PAN3: variants seen among roughly 807,000 people sequenced by gnomAD.
PAN3 encodes the protein PAN2-PAN3 deadenylation complex subunit PAN3.
Under a neutral mutation model 96.2 loss-of-function variants are expected in PAN3, and 19 were observed. The observed-to-expected ratio is 0.20, with a 90% CI of 0.14 to 0.29. The LOEUF (loss-of-function observed/expected upper bound fraction) is 0.29, where lower values mean the gene tolerates loss of function less well. Among genes scored for constraint, PAN3 ranks in the 10% least tolerant of loss-of-function variants. The probability of loss-of-function intolerance (pLI) is 1.00; values close to 1 mark genes in which losing one functional copy is unlikely to be tolerated. For missense variants in PAN3, 882 were observed against 1,108.1 expected (o/e 0.80, Z 2.90); for synonymous variants, 433 against 406.6 (o/e 1.06, Z -0.78).
At chr13:28,187,117 A>C (rs990717207) in intron 4 of PAN3, among the ~76,000 whole-genome samples, 1 of 151,900 alleles carries the variant, frequency 6.6e-6, no homozygotes, top group Non-Finnish European at 1.5e-5. Context: ...ACTCGAGTCC[A>C]GGAGTTTGAG....
intron 9 of PAN3, 38 bp from the exon 10 acceptor site, chr13:28,266,677 C>G (rs1312839816): frequency 1.4e-6 from 2 of 1,435,680 alleles, no homozygotes; most frequent in South Asian, 3.0e-5. Flanking sequence ...TTTATGAATG[C>G]CTGTATTTTC....
chr13:28,151,878 G>A (rs1019826879), intron 1 of PAN3, among the ~76,000 whole-genome samples: 1 of 152,132 alleles, frequency 6.6e-6, no homozygotes, highest in Non-Finnish European at 1.5e-5. Context: ...AGATTTTGAG[G>A]AGTTAGGTAG....
At chr13:28,286,215 C>T (rs1336912063) in intron 17 of PAN3, among the ~76,000 whole-genome samples, 3 of 152,174 alleles carry the variant, frequency 2.0e-5, no homozygotes, top group Non-Finnish European at 2.9e-5. Context: ...CCTCTACTGT[C>T]TGTGGTATAA....
chr13:28,204,794 T>A (rs1252926536), intron 5 of PAN3, among the ~76,000 whole-genome samples: 3 of 152,226 alleles, frequency 2.0e-5, no homozygotes, highest in Non-Finnish European at 2.9e-5. Context: ...TTAAATAAAA[T>A]CACGCTAATT....
chr13:28,260,694 G>A, intron 8 of PAN3, 143 bp downstream of exon 8: 2 of 644,230 alleles, frequency 3.1e-6, no homozygotes, highest in Middle Eastern at 2.8e-4. Context: ...GTTTTAATTG[G>A]TATTTTTTTT....
intron 6 of PAN3, among the ~76,000 whole-genome samples, chr13:28,233,706 C>T (rs1882823351): frequency 6.6e-6 from 1 of 152,044 alleles, no homozygotes; most frequent in Non-Finnish European, 1.5e-5. Flanking sequence ...TTTAGAGGTA[C>T]CTCAGGATGT....
At chr13:28,160,436 G>A (rs922906960) in intron 1 of PAN3, among the ~76,000 whole-genome samples, 2 of 152,152 alleles carry the variant, frequency 1.3e-5, no homozygotes, top group African/African-American at 4.8e-5. Flanking sequence ...GGATGCATAA[G>A]GGAGAGAAGG....
intron 1 of PAN3, among the ~76,000 whole-genome samples, chr13:28,169,290 C>T (rs1290248096): frequency 2.4e-5 from 3 of 123,970 alleles, no homozygotes; most frequent in African/African-American, 6.4e-5. Flanking sequence ...AGTGCAGTGG[C>T]GCAATCTTGG....
intron 9 of PAN3, among the ~76,000 whole-genome samples, chr13:28,261,998 C>T (rs922914708): frequency 2.6e-5 from 4 of 152,094 alleles, no homozygotes; most frequent in Non-Finnish European, 5.9e-5. Flanking sequence ...TCTCCTGAAA[C>T]TTAATGAAGT....
intron 5 of PAN3, among the ~76,000 whole-genome samples, chr13:28,198,500 T>C (rs1878337279): frequency 6.6e-6 from 1 of 152,212 alleles, no homozygotes; most frequent in Admixed American, 6.5e-5. Context: ...TCTTTGACTG[T>C]ACCTTTTTTG....
At chr13:28,139,764 C>T (rs1170489760) in intron 1 of PAN3, among the ~76,000 whole-genome samples, 1 of 152,024 alleles carries the variant, frequency 6.6e-6, no homozygotes, top group African/African-American at 2.4e-5. Context: ...ATCTGAGTTT[C>T]CCTGAAAGCT....
intron 5 of PAN3, among the ~76,000 whole-genome samples, chr13:28,204,797 C>T (rs767230763): frequency 1.4e-4 from 22 of 152,114 alleles, no homozygotes; most frequent in African/African-American, 1.9e-4. Flanking sequence ...AATAAAATCA[C>T]GCTAATTTTG....
chr13:28,273,227 C>T (rs919790311), intron 14 of PAN3, among the ~76,000 whole-genome samples: 20 of 152,194 alleles, frequency 1.3e-4, no homozygotes, highest in Non-Finnish European at 2.4e-4. Context: ...CGTGATGCTT[C>T]TTAGCTATTT....
At chr13:28,192,293 T>C (rs975543200) in intron 4 of PAN3, among the ~76,000 whole-genome samples, 1 of 150,644 alleles carries the variant, frequency 6.6e-6, no homozygotes, top group Middle Eastern at 3.5e-3. Flanking sequence ...TGGTCTCGAA[T>C]TTCTGACCTC....
Position 28,174,317 on chromosome 13 carries a change from A to T in PAN3, c.476A>T (p.Asp159Val). The change falls in exon 2 of 19, where the codon GAT (aspartate) becomes GTT (valine). Residue 159 changes from aspartate to valine, a missense_variant. Asp to Val is a radical substitution (Grantham distance 152). This residue lies in a region of PAN3 where 442 missense variants were observed against 422.8 expected (regional missense o/e 1.05). Transcript: ENST00000380958. ...GCTTTAACTGATACAAGTCTCACAG[A>T]TTCCTATTTTAGCACCAGCTTTATT... The part of the protein sequence containing the change: ...GGALTDTSLT[D>V]SYFSTSFIGV... The T allele has an allele frequency of 6.2e-7, 1 of 1,612,882 alleles. No individual in the cohort carries two copies. The highest frequency in any genetic ancestry group is 8.5e-7 in the Non-Finnish European group (1 of 1,178,904).
intron 5 of PAN3, chr13:28,215,134 ACATGCC>A: frequency 1.3e-6 from 1 of 757,798 alleles, no homozygotes; most frequent in Non-Finnish European, 2.4e-6. Context: ...CCAAGTGCTA[ACATGCC>A]TTGGTTCAAG....
intron 14 of PAN3, 158 bp downstream of exon 14, chr13:28,272,229 T>C (rs1716952624): frequency 4.4e-6 from 2 of 455,002 alleles, no homozygotes; most frequent in African/African-American, 4.1e-5. Flanking sequence ...CCCCTCCCTC[T>C]CTTTTCTTCC....
At chr13:28,260,732 CAAAT>C (rs933812220) in intron 8 of PAN3, among the ~76,000 whole-genome samples, 181 bp downstream of exon 8, 4 of 151,904 alleles carry the variant, frequency 2.6e-5, no homozygotes, top group Admixed American at 6.6e-5. Context: ...AAAAAAATTT[CAAAT>C]AAATTATGTG....
chr13:28,177,918 A>G lies in PAN3; in HGVS notation c.673A>G (p.Ile225Val). 6.2e-7 allele frequency: 1 copy of G among 1,610,928 alleles called. No individual in the cohort carries two copies. Among genetic ancestry groups the G allele is most frequent in the African/African-American group, 1.3e-5 (1 of 74,972 alleles). ...GTTTAATGACTTTGGTGCCCTCAAC[A>G]TCTCTCAGAGACGAAAGGTAGGTGA... is the stretch of plus-strand genomic sequence containing the variant. The part of the protein sequence containing the change: ...SLFNDFGALN[I>V]SQRRKPRKYR... The change falls in exon 4 of 19, where the codon ATC (isoleucine) becomes GTC (valine). Residue 225 changes from isoleucine (I) to valine (V), a missense_variant. Around this residue, in one of 3 missense-constraint regions of PAN3, gnomAD observed 442 missense variants for 422.8 expected, o/e 1.05. Coordinates refer to ENST00000380958, the MANE Select transcript of PAN3 (RefSeq NM_175854.8).
Sources: allele counts gnomAD v4.1 joint callset (sites outside exome capture counted in the v4.1 genomes callset), GRCh38; gene constraint gnomAD v4.1.1; regional missense constraint gnomAD v4.1.1; transcripts MANE v1.5; gene names NCBI Gene and HGNC (gene_info 2026-07-23, HGNC 2026-07-21).